The following SLC1A2 variants were observed in gnomAD, a reference collection of about 807,000 sequenced individuals.
SLC1A2 encodes excitatory amino acid transporter 2.
SLC1A2 carries 15 observed loss-of-function variants against 48.8 expected under a neutral mutation model. The ratio of observed to expected loss-of-function variants is 0.31; its 90% CI spans 0.21 to 0.47. SLC1A2 has a LOEUF of 0.47. Ranked by LOEUF, SLC1A2 falls within the 20% of genes least tolerant of loss-of-function variation. The pLI, the probability that SLC1A2 is intolerant of heterozygous loss-of-function variation, is 0.99. For missense variants in SLC1A2, 502 were observed against 730.5 expected (o/e 0.69, Z 3.61); for synonymous variants, 279 against 272.6 (o/e 1.02, Z -0.23).
intron 9 of SLC1A2, among the ~76,000 whole-genome samples, chr11:35,279,015 T>C (rs569412071): frequency 2.1e-4 from 32 of 152,130 alleles, no homozygotes; most frequent in Admixed American, 4.6e-4. Context: ...CAAGACTCCA[T>C]CTGAAAAAAA....
At chr11:35,360,881 TTA>T (rs1853656957) in intron 1 of SLC1A2, among the ~76,000 whole-genome samples, 3 of 151,814 alleles carry the variant, frequency 2.0e-5, no homozygotes, top group Admixed American at 2.0e-4. Flanking sequence ...TTATTTATTA[TTA>T]TTTTTTTTTT....
chr11:35,255,602 G>A lies in SLC1A2; in HGVS notation c.*5292C>T, dbSNP rs1181671282. 1 of 152,206 alleles carries A rather than the reference G, an allele frequency of 6.6e-6. No individual in the cohort carries two copies. Among genetic ancestry groups the A allele is most frequent in the African/African-American group, 2.4e-5 (1 of 41,450 alleles). The allele number at this position is 152,206 out of a possible 1,614,324, so 9.4% of individuals were successfully genotyped here. ...AAAGGCTCTCAAATTCCCATACTGGGTGGGCAATTAGAATTGTTGGAGAAA... is the reference window on the plus strand; with the variant it reads ...AAAGGCTCTCAAATTCCCATACTGGATGGGCAATTAGAATTGTTGGAGAAA... On this transcript the variant is annotated 3_prime_UTR_variant, in exon 11 of 11. Coordinates refer to ENST00000278379, the MANE Select transcript of SLC1A2 (RefSeq NM_004171.4).
chr11:35,292,640 T>G (rs1851048159), intron 6 of SLC1A2, 120 bp from the exon 7 acceptor site: 1 of 611,218 alleles, frequency 1.6e-6, no homozygotes, highest in African/African-American at 1.8e-5. Context: ...AAAAGACTTT[T>G]GCTGAGAAAA....
chr11:35,280,064 T>G (rs10836363), intron 9 of SLC1A2, among the ~76,000 whole-genome samples: 49,323 of 152,180 alleles, frequency 0.32, 9,168 homozygotes, highest in South Asian at 0.53. Context: ...TACCTGTGCA[T>G]ATGGAACATT....
chr11:35,334,180 C>G (rs975230592), intron 1 of SLC1A2, among the ~76,000 whole-genome samples: 1 of 152,154 alleles, frequency 6.6e-6, no homozygotes, highest in African/African-American at 2.4e-5. Flanking sequence ...CTCCTTGACA[C>G]CAATGCGAAG....
chr11:35,281,399 G>A (rs1470252127), intron 8 of SLC1A2, among the ~76,000 whole-genome samples: 3 of 152,168 alleles, frequency 2.0e-5, no homozygotes, highest in Non-Finnish European at 2.9e-5. Flanking sequence ...ACGCTTTTAT[G>A]TCTCTGTGAG....
rs772275426 is a variant in SLC1A2 at position 35,265,616 on chromosome 11, T to C, written c.1564A>G (p.Ile522Val). The C allele has an allele frequency of 3.1e-5, 50 of 1,612,768 alleles. No homozygotes were observed. The South Asian group carries it at 5.4e-4, about 17-fold the overall frequency. The part of the protein sequence containing the change: ...EDIEMTKTQS[I>V]YDDMKNHRES... The stretch of plus-strand genomic sequence containing the variant: ...CTGTGGTTCTTCATGTCATCATAAA[T>C]GGATTGAGTCTTGGTCATTTCAATA... The change falls in exon 10 of 11, where the codon ATT becomes GTT. Residue 522 changes from isoleucine to valine, a missense_variant. This residue lies in a region of SLC1A2 where 102 missense variants were observed against 107.2 expected (regional missense o/e 0.95). Transcript: ENST00000278379.
At chr11:35,384,932 C>T (rs1854540210) in intron 1 of SLC1A2, among the ~76,000 whole-genome samples, 2 of 152,124 alleles carry the variant, frequency 1.3e-5, no homozygotes, top group Non-Finnish European at 2.9e-5. Context: ...ATTGTGTACC[C>T]AAAAAGTAAC....
chr11:35,357,848 TA>T (rs200699941), intron 1 of SLC1A2, among the ~76,000 whole-genome samples: 293 of 152,178 alleles, frequency 1.9e-3, no homozygotes, highest in African/African-American at 6.8e-3. Flanking sequence ...TCTTTTTCTT[TA>T]AAAAAAGGGG....
chr11:35,419,920 A>G, upstream of SLC1A2: 1 of 469,500 alleles, frequency 2.1e-6, no homozygotes, highest in Non-Finnish European at 4.4e-6. The surrounding 1 kb of genome is among the most constrained non-coding windows in gnomAD (Gnocchi z 5.4). Context: ...CCAAACTCAC[A>G]GGCAGGCACA....
At chr11:35,322,303 A>C (rs374605491) in intron 1 of SLC1A2, among the ~76,000 whole-genome samples, 6 of 152,192 alleles carry the variant, frequency 3.9e-5, no homozygotes, top group African/African-American at 1.4e-4. Context: ...CTAAGTTTTA[A>C]ACTATTCTCA....
chr11:35,380,379 A>G (rs1485776739), intron 1 of SLC1A2: 1 of 398,604 alleles, frequency 2.5e-6, no homozygotes. Flanking sequence ...GTGAGCACTA[A>G]CCTTCTCCAA....
Position 35,340,076 on chromosome 11 carries a change from A to T in SLC1A2, c.18-22560T>A, listed in dbSNP as rs544980863. ...TAAGCTTTTTTCCTTGAGGCTTTGT[A>T]ATACCAGCCATGCAGACACACTGAC... On this transcript the variant is annotated intron_variant, in intron 1 of 10. Coordinates refer to ENST00000278379, the MANE Select transcript of SLC1A2 (RefSeq NM_004171.4). 3.2e-4 allele frequency among the ~76,000 whole-genome samples: 48 copies of T among 152,308 alleles called. 2 individuals carry two copies. The South Asian group carries it at 7.7e-3, about 24-fold the overall frequency.
At chr11:35,382,695 C>T (rs1214839779) in intron 1 of SLC1A2, among the ~76,000 whole-genome samples, 1 of 151,962 alleles carries the variant, frequency 6.6e-6, no homozygotes, top group Non-Finnish European at 1.5e-5. Context: ...ACATGGGAGG[C>T]TGAGGCAGGA....
chr11:35,402,054 G>C (rs1855154816), intron 1 of SLC1A2, among the ~76,000 whole-genome samples: 1 of 152,190 alleles, frequency 6.6e-6, no homozygotes. Flanking sequence ...GGCACTCGTT[G>C]CTTGGGGAGA....
At chr11:35,383,585 A>C (rs1854497203) in intron 1 of SLC1A2, among the ~76,000 whole-genome samples, 1 of 152,194 alleles carries the variant, frequency 6.6e-6, no homozygotes, top group Admixed American at 6.5e-5. Context: ...CCTGTCTATA[A>C]AACAGGGATG....
At chr11:35,413,129 G>T (rs139913327) in intron 1 of SLC1A2, among the ~76,000 whole-genome samples, 22 of 152,334 alleles carry the variant, frequency 1.4e-4, no homozygotes, top group African/African-American at 5.3e-4. Flanking sequence ...TCCTTGGAAA[G>T]GTAAGGGGTC....
At chr11:35,351,818 T>C (rs562780974) in intron 1 of SLC1A2, among the ~76,000 whole-genome samples, 2 of 152,202 alleles carry the variant, frequency 1.3e-5, no homozygotes, top group East Asian at 3.9e-4. Flanking sequence ...GTATTTTTAG[T>C]AGAGACGGGG....
At chr11:35,377,137 T>C (rs1458032250) in intron 1 of SLC1A2, among the ~76,000 whole-genome samples, 1 of 152,076 alleles carries the variant, frequency 6.6e-6, no homozygotes, top group Non-Finnish European at 1.5e-5. Flanking sequence ...TAGCGCTCAC[T>C]ACATCCTTAG....
Sources: allele counts gnomAD v4.1 joint callset (sites outside exome capture counted in the v4.1 genomes callset), GRCh38; gene constraint gnomAD v4.1.1; regional missense constraint gnomAD v4.1.1; non-coding constraint Gnocchi (gnomAD v3.1); transcripts MANE v1.5; gene names NCBI Gene and HGNC (gene_info 2026-07-23, HGNC 2026-07-21).